Variants in PAN3 observed in about 807,000 individuals in gnomAD.
PAN3 encodes PAN2-PAN3 deadenylation complex subunit PAN3.
A neutral mutation model predicts 96.2 loss-of-function variants in PAN3; 19 were observed. The observed-to-expected ratio is 0.20, with a 90% CI of 0.14 to 0.29. The LOEUF (loss-of-function observed/expected upper bound fraction) is 0.29, where lower values mean the gene tolerates loss of function less well. Among genes scored for constraint, PAN3 ranks in the 10% least tolerant of loss-of-function variants. The pLI is 1.00. For missense variants in PAN3, 882 were observed against 1,108.1 expected, an observed-to-expected ratio of 0.80 and a Z score of 2.90; for synonymous variants, 433 against 406.6, an observed-to-expected ratio of 1.06 and a Z score of -0.78.
At chr13:28,279,306 A>G (rs935219101) in intron 15 of PAN3, among the ~76,000 whole-genome samples, 5 of 152,180 alleles carry the variant, frequency 3.3e-5, no homozygotes, top group Admixed American at 1.3e-4. Context: ...TTGTAAATTA[A>G]GTTTTAGAGC....
chr13:28,147,282 G>GC (rs1870788425), intron 1 of PAN3, among the ~76,000 whole-genome samples: 1 of 152,186 alleles, frequency 6.6e-6, no homozygotes. Context: ...TCAGAATGTA[G>GC]CCCCATCCAT....
intron 4 of PAN3, among the ~76,000 whole-genome samples, chr13:28,195,235 T>C (rs1877888754): frequency 6.6e-6 from 1 of 152,006 alleles, no homozygotes; most frequent in Admixed American, 6.6e-5. Flanking sequence ...AAACCCCATC[T>C]CTACTAAAAA....
intron 6 of PAN3, among the ~76,000 whole-genome samples, chr13:28,228,838 G>A (rs1882260723): frequency 1.3e-5 from 2 of 152,142 alleles, no homozygotes; most frequent in South Asian, 2.1e-4. Flanking sequence ...CACTGTGTGC[G>A]AGGTGGTGTA....
At chr13:28,197,934 A>G (rs1412950509) in intron 5 of PAN3, among the ~76,000 whole-genome samples, 4 of 152,064 alleles carry the variant, frequency 2.6e-5, no homozygotes, top group Non-Finnish European at 5.9e-5. Flanking sequence ...CTTGAGTTCA[A>G]TTATTTTTAC....
chr13:28,248,622 T>C (rs1217679306), intron 6 of PAN3, among the ~76,000 whole-genome samples: 1 of 152,114 alleles, frequency 6.6e-6, no homozygotes. Flanking sequence ...CCTCCTGGGC[T>C]CAAGCAGTCC....
At chr13:28,216,509 T>C (rs977301217) in intron 5 of PAN3, among the ~76,000 whole-genome samples, 1 of 152,186 alleles carries the variant, frequency 6.6e-6, no homozygotes, top group Non-Finnish European at 1.5e-5. Flanking sequence ...AATAAAGTTG[T>C]TAACAAAAAG....
At chr13:28,154,180 G>A (rs1468629321) in intron 1 of PAN3, among the ~76,000 whole-genome samples, 3 of 152,194 alleles carry the variant, frequency 2.0e-5, no homozygotes, top group Non-Finnish European at 4.4e-5. Flanking sequence ...TGGTATTGCA[G>A]CACTCCCCAG....
At chr13:28,196,035 T>G (rs1169502253) in intron 4 of PAN3, among the ~76,000 whole-genome samples, 2 of 144,406 alleles carry the variant, frequency 1.4e-5, no homozygotes, top group African/African-American at 4.9e-5. Context: ...TGTTTTTTTT[T>G]TTTTAATAGA....
chr13:28,158,285 A>G (rs371703762), intron 1 of PAN3, among the ~76,000 whole-genome samples: 2 of 152,232 alleles, frequency 1.3e-5, no homozygotes, highest in African/African-American at 4.8e-5. Flanking sequence ...CATACGCCCC[A>G]GCAAAGATTT....
chr13:28,211,494 GGAAA>G (rs1255187625), intron 5 of PAN3, among the ~76,000 whole-genome samples: 1 of 152,164 alleles, frequency 6.6e-6, no homozygotes, highest in East Asian at 1.9e-4. Flanking sequence ...GAGATTGTAA[GGAAA>G]GCACAACAAA....
At chr13:28,217,508 C>A (rs1440634008) in intron 5 of PAN3, among the ~76,000 whole-genome samples, 1 of 151,262 alleles carries the variant, frequency 6.6e-6, no homozygotes, top group Non-Finnish European at 1.5e-5. Context: ...CTTGAACCTG[C>A]GAGGCGGAAG....
intron 18 of PAN3, 99 bp from the exon 19 acceptor site, chr13:28,292,282 AC>A: frequency 1.6e-6 from 2 of 1,256,342 alleles, no homozygotes; most frequent in South Asian, 1.8e-5. Context: ...AGGGAATGTG[AC>A]AAAAAAAATT....
At chr13:28,212,730 A>G (rs1379222196) in intron 5 of PAN3, among the ~76,000 whole-genome samples, 2 of 152,172 alleles carry the variant, frequency 1.3e-5, no homozygotes, top group South Asian at 2.1e-4. Flanking sequence ...ATTAATGGCA[A>G]TAGACATTGA....
intron 6 of PAN3, among the ~76,000 whole-genome samples, chr13:28,222,906 T>G (rs898264651): frequency 2.0e-5 from 3 of 152,204 alleles, no homozygotes; most frequent in Admixed American, 1.3e-4. Flanking sequence ...TTGACACTTA[T>G]GTAAACTAGG....
intron 1 of PAN3, among the ~76,000 whole-genome samples, chr13:28,166,393 C>A (rs1190567567): frequency 6.6e-6 from 1 of 152,194 alleles, no homozygotes; most frequent in African/African-American, 2.4e-5. Context: ...CTTTTCTTGC[C>A]TTCTGGACAC....
intron 4 of PAN3, among the ~76,000 whole-genome samples, chr13:28,183,263 TTATG>T (rs1876034569): frequency 2.0e-5 from 3 of 152,322 alleles, no homozygotes; most frequent in South Asian, 4.1e-4. Context: ...TTTAGGTTCT[TTATG>T]TATGTTCTCA....
chr13:28,183,808 A>G (rs970992375), intron 4 of PAN3, among the ~76,000 whole-genome samples: 1 of 152,156 alleles, frequency 6.6e-6, no homozygotes, highest in Non-Finnish European at 1.5e-5. Flanking sequence ...TTGCAAAATG[A>G]GAATGTGGTA....
At chr13:28,179,928 A>G (rs1875547111) in intron 4 of PAN3, among the ~76,000 whole-genome samples, 1 of 152,154 alleles carries the variant, frequency 6.6e-6, no homozygotes, top group Non-Finnish European at 1.5e-5. Context: ...TCTTTTTATA[A>G]TTTATTTTAA....
chr13:28,171,087 T>A (rs1279946523), intron 1 of PAN3, among the ~76,000 whole-genome samples: 2 of 152,218 alleles, frequency 1.3e-5, no homozygotes, highest in East Asian at 3.9e-4. Context: ...TGAGCCACCA[T>A]GCCTGGCCAA....
Sources: allele counts gnomAD v4.1 joint callset (sites outside exome capture counted in the v4.1 genomes callset), GRCh38; gene constraint gnomAD v4.1.1; transcripts MANE v1.5; gene names NCBI Gene and HGNC (gene_info 2026-07-23, HGNC 2026-07-21).